Variants in DGLUCY observed in about 807,000 individuals in gnomAD.
The protein encoded by DGLUCY is D-glutamate cyclase, mitochondrial.
Under a neutral mutation model 58.5 loss-of-function variants are expected in DGLUCY, and 58 were observed. That is an observed-to-expected ratio of 0.99 (90% CI 0.80 to 1.23). The LOEUF (loss-of-function observed/expected upper bound fraction) is 1.23, where lower values mean the gene tolerates loss of function less well. Ranked by LOEUF, DGLUCY falls within the 50% of genes most tolerant of loss-of-function variation. The pLI, the probability that DGLUCY is intolerant of heterozygous loss-of-function variation, is 0.00. For missense variants in DGLUCY, 779 were observed against 784.7 expected (o/e 0.99, Z 0.09); for synonymous variants, 325 against 314.1 (o/e 1.03, Z -0.37).
At chr14:91,177,585 A>C (rs1368586009) in intron 7 of DGLUCY, among the ~76,000 whole-genome samples, 1 of 152,256 alleles carries the variant, frequency 6.6e-6, no homozygotes, top group Non-Finnish European at 1.5e-5. Flanking sequence ...AAGGTGACAG[A>C]AACATGAAAA....
At chr14:91,214,692 A>G (rs1886244485) in intron 12 of DGLUCY, among the ~76,000 whole-genome samples, 1 of 152,166 alleles carries the variant, frequency 6.6e-6, no homozygotes, top group African/African-American at 2.4e-5. Context: ...TCAGACTCAC[A>G]TAGAGGATTT....
At chr14:91,134,498 C>T (rs1216393132) in intron 1 of DGLUCY, among the ~76,000 whole-genome samples, 1 of 149,992 alleles carries the variant, frequency 6.7e-6, no homozygotes, top group Non-Finnish European at 1.5e-5. Flanking sequence ...AGTGCAGTGG[C>T]ACCCTCTCAG....
Position 91,173,414 on chromosome 14 carries a change from G to T in DGLUCY, c.582G>T (p.Gly194=). The T allele has an allele frequency of 6.2e-7, 1 of 1,607,942 alleles. No homozygotes were observed. The highest frequency in any genetic ancestry group is 1.1e-5 in the South Asian group (1 of 90,176). ...RACCSLGGEQ[G]QPVHMGDPEL... is the part of the protein sequence containing the mutation. ...GCTGCTCCCTCGGAGGTGAGCAGGG[G>T]CAACCTGTTCACATGGGCGACCCAG... Residue 194 remains glycine (G), a synonymous_variant, in exon 6 of 14, where the codon GGG becomes GGT. Transcript: ENST00000256324.
intron 1 of DGLUCY, among the ~76,000 whole-genome samples, chr14:91,086,311 A>T (rs908681086): frequency 6.6e-6 from 1 of 152,166 alleles, no homozygotes; most frequent in Non-Finnish European, 1.5e-5. Flanking sequence ...ATTATCCCCA[A>T]ACCATCCCCG....
At chr14:91,127,919 C>CT (rs34102336) in intron 1 of DGLUCY, among the ~76,000 whole-genome samples, 6,908 of 134,128 alleles carry the variant, frequency 0.052, 194 homozygotes, top group Middle Eastern at 0.068. Flanking sequence ...AGGCACCTGG[C>CT]TTTTTTTTTT....
At chr14:91,109,318 C>T (rs1301532011), upstream of DGLUCY, among the ~76,000 whole-genome samples, 1 of 152,124 alleles carries the variant, frequency 6.6e-6, no homozygotes, top group Non-Finnish European at 1.5e-5. Flanking sequence ...CCAACAGCAG[C>T]GTGGACTCAA....
intron 1 of DGLUCY, among the ~76,000 whole-genome samples, chr14:91,133,172 G>A (rs1282555464): frequency 6.6e-6 from 1 of 152,010 alleles, no homozygotes; most frequent in African/African-American, 2.4e-5. Context: ...GCAGGCGTCT[G>A]TAATCTCAGC....
chr14:91,123,847 G>A (rs1027319564), intron 1 of DGLUCY, among the ~76,000 whole-genome samples: 1 of 151,954 alleles, frequency 6.6e-6, no homozygotes. Context: ...CAAAGTGCTG[G>A]GATTACACGC....
intron 3 of DGLUCY, among the ~76,000 whole-genome samples, chr14:91,163,868 T>G (rs905733507): frequency 7.2e-5 from 11 of 152,126 alleles, no homozygotes; most frequent in African/African-American, 2.7e-4. Context: ...CCCACAAGAT[T>G]ATTGTAGGAG....
chr14:91,081,923 T>C (rs2044134304), intron 1 of DGLUCY, among the ~76,000 whole-genome samples: 2 of 152,034 alleles, frequency 1.3e-5, no homozygotes, highest in African/African-American at 4.8e-5. Flanking sequence ...CCTCTGTTTC[T>C]GTTGTCACAT....
Position 91,199,878 on chromosome 14 carries a change from A to G in DGLUCY, c.1417A>G (p.Lys473Glu). The change falls in exon 11 of 14, where the codon AAG becomes GAG. Residue 473 changes from lysine (K) to glutamate (E), a missense_variant. Coordinates refer to ENST00000256324, the MANE Select transcript of DGLUCY (RefSeq NM_001102368.3). ...DPIDDLFLAA[K>E]KIPGISSTGV... Reference sequence around the variant, plus strand: ...CATTGACGATCTTTTTCTTGCTGCGAAGAAGATTCCTGGAATCTCATCAAC... The same window carrying G: ...CATTGACGATCTTTTTCTTGCTGCGGAGAAGATTCCTGGAATCTCATCAAC... 1 of 1,614,206 alleles carries G rather than the reference A, an allele frequency of 6.2e-7. No individual in the cohort carries two copies. Among genetic ancestry groups the G allele is most frequent in the Non-Finnish European group, 8.5e-7 (1 of 1,180,028 alleles).
At chr14:91,080,374 A>C (rs934929803) in intron 1 of DGLUCY, among the ~76,000 whole-genome samples, 1 of 151,982 alleles carries the variant, frequency 6.6e-6, no homozygotes, top group African/African-American at 2.4e-5. Flanking sequence ...GACACTATTT[A>C]TTTTTTCTTT....
At chr14:91,076,456 C>T (rs1454409183) in intron 1 of DGLUCY, among the ~76,000 whole-genome samples, 2 of 151,786 alleles carry the variant, frequency 1.3e-5, no homozygotes, top group Admixed American at 6.6e-5. Flanking sequence ...TTGTTTTTTT[C>T]TTCCTGAATC....
intron 1 of DGLUCY, among the ~76,000 whole-genome samples, chr14:91,149,502 G>C (rs916450310): frequency 6.6e-6 from 1 of 152,184 alleles, no homozygotes; most frequent in Admixed American, 6.5e-5. Context: ...GCCAGAAGTA[G>C]CTAAACATCC....
chr14:91,159,318 A>T (rs765258815), intron 2 of DGLUCY, among the ~76,000 whole-genome samples: 2 of 152,048 alleles, frequency 1.3e-5, no homozygotes, highest in Non-Finnish European at 2.9e-5. Flanking sequence ...GTCGTGGCAC[A>T]TACCTGTAAT....
upstream of DGLUCY, among the ~76,000 whole-genome samples, chr14:91,112,249 CAA>C (rs1297795479): frequency 4.3e-4 from 42 of 98,594 alleles, no homozygotes; most frequent in Admixed American, 4.3e-4. Context: ...AACTCTGTCT[CAA>C]AAAAAAAAAA....
At chr14:91,174,735 G>A (rs925111787) in intron 6 of DGLUCY, among the ~76,000 whole-genome samples, 8 of 152,200 alleles carry the variant, frequency 5.3e-5, no homozygotes, top group African/African-American at 1.9e-4. Context: ...TAATCAAACT[G>A]GAAGCCAGTT....
rs1404838783 is a variant in DGLUCY at position 91,188,961 on chromosome 14, C to T, written c.986C>T (p.Ser329Phe). Residue 329 changes from serine to phenylalanine, a missense_variant, in exon 9 of 14, where the codon TCT (serine) becomes TTT (phenylalanine). Transcript: ENST00000256324. ...LLCKDELLKASLSLSHARSVL... is the reference protein window; with the variant it reads ...LLCKDELLKAFLSLSHARSVL... ...TGTAAAGATGAGCTGCTGAAGGCCTCTCTCTCGCTGTCCCATGCCCGCTCA... is the reference window on the plus strand; with the variant it reads ...TGTAAAGATGAGCTGCTGAAGGCCTTTCTCTCGCTGTCCCATGCCCGCTCA... 1 of 1,614,228 alleles carries T rather than the reference C, an allele frequency of 6.2e-7. No individual in the cohort carries two copies. The highest frequency in any genetic ancestry group is 8.5e-7 in the Non-Finnish European group (1 of 1,180,050).
At chr14:91,182,457 T>C (rs1468459116) in intron 8 of DGLUCY, among the ~76,000 whole-genome samples, 1 of 151,946 alleles carries the variant, frequency 6.6e-6, no homozygotes, top group African/African-American at 2.4e-5. Context: ...ATTTATGTAG[T>C]TTATTATTAT....
Sources: allele counts gnomAD v4.1 joint callset (sites outside exome capture counted in the v4.1 genomes callset), GRCh38; gene constraint gnomAD v4.1.1; transcripts MANE v1.5; gene names NCBI Gene and HGNC (gene_info 2026-07-23, HGNC 2026-07-21).